The following AUTS2 variants were observed in gnomAD, a reference collection of about 807,000 sequenced individuals.
AUTS2 encodes autism susceptibility gene 2 protein.
In AUTS2, 17 loss-of-function variants were observed where a neutral mutation model predicts 112.4. The observed-to-expected ratio is 0.15, with a 90% CI of 0.10 to 0.23. AUTS2 has a LOEUF of 0.23. Among genes scored for constraint, AUTS2 ranks in the 10% least tolerant of loss-of-function variants. The pLI, the probability that AUTS2 is intolerant of heterozygous loss-of-function variation, is 1.00. For synonymous variants in AUTS2, 751 were observed against 702.7 expected, an observed-to-expected ratio of 1.07 and a Z score of -1.09; for missense variants, 1,510 against 1,701.6, an observed-to-expected ratio of 0.89 and a Z score of 1.98.
intron 5 of AUTS2, among the ~76,000 whole-genome samples, chr7:70,460,647 G>A (rs569000778): frequency 1.3e-5 from 2 of 152,038 alleles, no homozygotes; most frequent in South Asian, 2.1e-4. Context: ...CACCCCACCC[G>A]CTGAGCCTGG....
chr7:69,599,628 CG>C lies in AUTS2; in HGVS notation c.-22del. ...GCGGCCGTAGCCTGTGGCGGGCAAGCGGGGAGACCCCGGCGCAGCAGAACCA... is the reference window on the plus strand; with the variant it reads ...GCGGCCGTAGCCTGTGGCGGGCAAGCGGGAGACCCCGGCGCAGCAGAACCA... On this transcript the variant is annotated 5_prime_UTR_variant, in exon 1 of 19. Coordinates refer to ENST00000342771, the MANE Select transcript of AUTS2 (RefSeq NM_015570.4). This position sits in a 1 kb window ranked among gnomAD's most constrained non-coding sequence, Gnocchi z 7.0. The C allele has an allele frequency of 7.9e-7, 1 of 1,273,352 alleles. No individual in the cohort carries two copies. The highest frequency in any genetic ancestry group is 9.9e-7 in the Non-Finnish European group (1 of 1,011,714). The allele number at this position is 1,273,352 out of a possible 1,614,324, so 78.9% of individuals were successfully genotyped here. A position where few individuals can be genotyped will look rare whatever the true frequency, so the allele number is the denominator to read the frequency against.
intron 5 of AUTS2, among the ~76,000 whole-genome samples, chr7:70,618,249 C>T (rs1352196479): frequency 6.6e-6 from 1 of 152,178 alleles, no homozygotes; most frequent in Non-Finnish European, 1.5e-5. Flanking sequence ...TTGCCGTGGG[C>T]TTTTGCTACC....
At chr7:69,866,878 G>A (rs895810328) in intron 1 of AUTS2, among the ~76,000 whole-genome samples, 24 of 152,228 alleles carry the variant, frequency 1.6e-4, no homozygotes, top group African/African-American at 5.5e-4. Context: ...TGTTTAGTAA[G>A]CATTTACAGC....
At chr7:70,683,392 G>T (rs1221334217) in intron 5 of AUTS2, among the ~76,000 whole-genome samples, 2 of 152,178 alleles carry the variant, frequency 1.3e-5, no homozygotes, top group East Asian at 3.9e-4. Flanking sequence ...TGATGCATGA[G>T]AATACTGTAC....
intron 5 of AUTS2, among the ~76,000 whole-genome samples, chr7:70,599,588 A>T (rs1389160266): frequency 2.0e-5 from 3 of 152,196 alleles, no homozygotes; most frequent in African/African-American, 7.2e-5. Context: ...ATGCATTATG[A>T]CAGGTGGGGT....
At chr7:70,507,758 T>C (rs1254382136) in intron 5 of AUTS2, among the ~76,000 whole-genome samples, 3 of 152,062 alleles carry the variant, frequency 2.0e-5, no homozygotes, top group Non-Finnish European at 2.9e-5. Context: ...GATCGCACCA[T>C]TGTACTCCAG....
chr7:70,262,932 C>T (rs972231985), intron 4 of AUTS2, among the ~76,000 whole-genome samples: 3 of 152,024 alleles, frequency 2.0e-5, no homozygotes, highest in Non-Finnish European at 4.4e-5. Context: ...AGTCATAGGC[C>T]ATTTATCAGA....
At chr7:70,173,422 C>A (rs1208136839) in intron 4 of AUTS2, among the ~76,000 whole-genome samples, 1 of 151,876 alleles carries the variant, frequency 6.6e-6, no homozygotes, top group Admixed American at 6.6e-5. Context: ...ATCTCAGTCT[C>A]TGCAATGAGC....
At chr7:70,560,216 AT>A (rs939572417) in intron 5 of AUTS2, among the ~76,000 whole-genome samples, 44 of 152,296 alleles carry the variant, frequency 2.9e-4, no homozygotes, top group Admixed American at 1.1e-3. Context: ...ACAACAGTAC[AT>A]CCCCCACCCC....
chr7:70,495,728 G>A (rs1405446223), intron 5 of AUTS2, among the ~76,000 whole-genome samples: 4 of 99,638 alleles, frequency 4.0e-5, no homozygotes, highest in Admixed American at 2.3e-4. Flanking sequence ...ACATGCACAC[G>A]TCACATCAGC....
intron 2 of AUTS2, among the ~76,000 whole-genome samples, chr7:70,082,639 A>G (rs1244113050): frequency 1.3e-5 from 2 of 152,182 alleles, no homozygotes; most frequent in African/African-American, 4.8e-5. Flanking sequence ...TATTTCTTGA[A>G]CTTTCTGTTA....
intron 1 of AUTS2, among the ~76,000 whole-genome samples, chr7:69,780,570 A>G (rs1562878421): frequency 6.6e-6 from 1 of 152,206 alleles, no homozygotes; most frequent in African/African-American, 2.4e-5. Context: ...TGATCAGACC[A>G]TTTGATGCTA....
chr7:69,922,055 ACT>A (rs1175515183), intron 2 of AUTS2, among the ~76,000 whole-genome samples: 2 of 151,730 alleles, frequency 1.3e-5, no homozygotes, highest in African/African-American at 4.8e-5. Context: ...CAAGAGTGAA[ACT>A]CTGTCTCAAA....
intron 4 of AUTS2, among the ~76,000 whole-genome samples, chr7:70,183,991 T>C (rs1297253047): frequency 2.0e-5 from 3 of 152,120 alleles, no homozygotes; most frequent in African/African-American, 4.8e-5. Flanking sequence ...GATTTATTGA[T>C]GGGGAGGTAT....
chr7:69,910,062 A>G (rs1795293365), intron 2 of AUTS2, among the ~76,000 whole-genome samples: 1 of 152,194 alleles, frequency 6.6e-6, no homozygotes, highest in South Asian at 2.1e-4. Flanking sequence ...TCAGCAGCCC[A>G]CTTGCATAAT....
chr7:70,693,517 C>T (rs1808864728), intron 5 of AUTS2, among the ~76,000 whole-genome samples: 1 of 152,186 alleles, frequency 6.6e-6, no homozygotes, highest in Non-Finnish European at 1.5e-5. Context: ...GAGCACACTG[C>T]GGTCAGTCGG....
At chr7:70,107,292 T>G (rs1384272369) in intron 2 of AUTS2, among the ~76,000 whole-genome samples, 1 of 151,550 alleles carries the variant, frequency 6.6e-6, no homozygotes, top group African/African-American at 2.4e-5. Flanking sequence ...ATGTTACCAT[T>G]CAGCTTTTGA....
At chr7:70,306,038 G>A (rs1415302330) in intron 4 of AUTS2, among the ~76,000 whole-genome samples, 1 of 151,994 alleles carries the variant, frequency 6.6e-6, no homozygotes, top group Non-Finnish European at 1.5e-5. Flanking sequence ...ATAAAATGTA[G>A]AGACAAATCT....
intron 1 of AUTS2, among the ~76,000 whole-genome samples, chr7:69,653,146 C>T (rs1206118751): frequency 2.6e-5 from 4 of 152,164 alleles, no homozygotes; most frequent in Admixed American, 2.6e-4. Context: ...GGAGTGGGGA[C>T]TTCCTTCTTC....
Sources: gnomAD v4.1 joint callset for allele counts (sites outside exome capture counted in the v4.1 genomes callset) on GRCh38, gnomAD v4.1.1 for gene constraint, Gnocchi (gnomAD v3.1) non-coding constraint, MANE v1.5 for transcripts, NCBI Gene and HGNC (gene_info 2026-07-23, HGNC 2026-07-21) for gene names.